Variants in PIK3C2G observed in about 807,000 individuals in gnomAD.
The protein encoded by PIK3C2G is phosphatidylinositol 3-kinase C2 domain-containing subunit gamma.
In PIK3C2G, 168 loss-of-function variants were observed where a neutral mutation model predicts 181.1. That is an observed-to-expected ratio of 0.93 (90% CI 0.82 to 1.05). PIK3C2G has a LOEUF of 1.05. Ranked by LOEUF, PIK3C2G falls within the 50% of genes least tolerant of loss-of-function variation. The pLI is 0.00. For missense variants in PIK3C2G, 1,869 were observed against 1,732.8 expected, an observed-to-expected ratio of 1.08 and a Z score of -1.40; for synonymous variants, 573 against 592.2, an observed-to-expected ratio of 0.97 and a Z score of 0.47.
intron 8 of PIK3C2G, among the ~76,000 whole-genome samples, chr12:18,337,483 G>T (rs1938641910): frequency 6.6e-6 from 1 of 152,248 alleles, no homozygotes; most frequent in East Asian, 1.9e-4. Context: ...ATAAAGAAAA[G>T]AGGTTGAATT....
the PIK3C2G span, chr12:18,719,567 G>A: frequency 8.7e-6 from 14 of 1,605,096 alleles, no homozygotes; most frequent in Non-Finnish European, 1.2e-5. Context: ...TTTTTAAACA[G>A]TAGACATTCA....
intron 31 of PIK3C2G, among the ~76,000 whole-genome samples, chr12:18,638,324 G>A (rs548506050): frequency 6.6e-6 from 1 of 152,288 alleles, no homozygotes; most frequent in African/African-American, 2.4e-5. Flanking sequence ...AGAGGTTGGA[G>A]GTGAAGTAGA....
intron 16 of PIK3C2G, among the ~76,000 whole-genome samples, chr12:18,418,413 TG>T (rs1222847060): frequency 6.6e-6 from 1 of 152,190 alleles, no homozygotes; most frequent in African/African-American, 2.4e-5. Flanking sequence ...TGAGCCAGAC[TG>T]GTTCAGTGAA....
chr12:18,342,293 G>T (rs1423097950), intron 9 of PIK3C2G, among the ~76,000 whole-genome samples: 3 of 151,940 alleles, frequency 2.0e-5, no homozygotes, highest in Non-Finnish European at 4.4e-5. Context: ...TTCTGAAAAG[G>T]TTCATGCAAA....
intron 1 of PIK3C2G, among the ~76,000 whole-genome samples, chr12:18,273,287 A>G (rs951041558): frequency 6.6e-6 from 1 of 152,148 alleles, no homozygotes; most frequent in Non-Finnish European, 1.5e-5. Context: ...AGTTGTAGAT[A>G]TACGGCATTA....
the PIK3C2G span, among the ~76,000 whole-genome samples, chr12:18,708,732 G>A: frequency 5.9e-5 from 9 of 152,264 alleles, no homozygotes; most frequent in Admixed American, 5.2e-4. Context: ...GTATCTCATA[G>A]TGGTTTTGAT....
At chr12:18,488,742 C>T in intron 19 of PIK3C2G, 113 bp downstream of exon 19, 3 of 600,730 alleles carry the variant, frequency 5.0e-6, no homozygotes, top group Non-Finnish European at 7.6e-6. Context: ...ATAGAAGATA[C>T]TTAAATCAAT....
At chr12:18,590,895 T>C (rs138427328) in intron 29 of PIK3C2G, among the ~76,000 whole-genome samples, 1 of 151,930 alleles carries the variant, frequency 6.6e-6, no homozygotes, top group Non-Finnish European at 1.5e-5. Flanking sequence ...TTGAAGGATA[T>C]GACGGTGTAA....
At chr12:18,721,991 T>A in the PIK3C2G span, among the ~76,000 whole-genome samples, 4 of 152,004 alleles carry the variant, frequency 2.6e-5, no homozygotes, top group South Asian at 8.3e-4. Context: ...AACTCATCTC[T>A]CTCTCATTCT....
chr12:18,635,845 T>C (rs1332501011), intron 31 of PIK3C2G, among the ~76,000 whole-genome samples: 1 of 152,118 alleles, frequency 6.6e-6, no homozygotes, highest in Non-Finnish European at 1.5e-5. Context: ...GAGGAGTATG[T>C]TGCATCCAAA....
the PIK3C2G span, among the ~76,000 whole-genome samples, chr12:18,657,393 GGCT>G: frequency 6.6e-6 from 1 of 152,126 alleles, no homozygotes; most frequent in Non-Finnish European, 1.5e-5. Context: ...TCTTGTCACT[GGCT>G]GACCCTCAGG....
chr12:18,629,125 C>T (rs1949233120), intron 31 of PIK3C2G, among the ~76,000 whole-genome samples: 1 of 152,178 alleles, frequency 6.6e-6, no homozygotes, highest in African/African-American at 2.4e-5. Flanking sequence ...AGCCCCCTGG[C>T]CTAACCATGG....
chr12:18,596,529 T>C (rs995343095), intron 30 of PIK3C2G, among the ~76,000 whole-genome samples: 2 of 152,106 alleles, frequency 1.3e-5, no homozygotes, highest in African/African-American at 2.4e-5. Flanking sequence ...CTACATAGCT[T>C]TGACACCCAG....
chr12:18,683,482 T>A, the PIK3C2G span: 1 of 1,479,812 alleles, frequency 6.8e-7, no homozygotes, highest in Non-Finnish European at 9.2e-7. Context: ...CCACAAAAAT[T>A]AAATATTTGC....
chr12:18,481,350 T>G (rs554267317), intron 18 of PIK3C2G, among the ~76,000 whole-genome samples: 24 of 152,166 alleles, frequency 1.6e-4, no homozygotes, highest in South Asian at 4.1e-4. Flanking sequence ...TGTAAGGAGC[T>G]CTGATTTCTT....
the PIK3C2G span, chr12:18,723,507 T>C: frequency 6.1e-5 from 98 of 1,612,624 alleles, no homozygotes; most frequent in Non-Finnish European, 7.7e-5. Context: ...TAAATTCTTC[T>C]ATGGTGATTC....
chr12:18,539,930 A>G (rs561044977), intron 25 of PIK3C2G, among the ~76,000 whole-genome samples: 4 of 151,936 alleles, frequency 2.6e-5, no homozygotes, highest in African/African-American at 9.6e-5. Context: ...TTTGCATTCT[A>G]TCTCCCAATT....
intron 11 of PIK3C2G, among the ~76,000 whole-genome samples, chr12:18,351,148 AT>A (rs1258354879): frequency 1.3e-5 from 2 of 152,124 alleles, no homozygotes; most frequent in Non-Finnish European, 2.9e-5. Flanking sequence ...GTAACAAAAA[AT>A]AAATATATTC....
intron 29 of PIK3C2G, among the ~76,000 whole-genome samples, chr12:18,591,282 C>T (rs1947065097): frequency 6.6e-6 from 1 of 151,824 alleles, no homozygotes; most frequent in African/African-American, 2.4e-5. Context: ...GCATAAACTG[C>T]TGTGCAGATA....
Sources: allele counts gnomAD v4.1 joint callset (sites outside exome capture counted in the v4.1 genomes callset), GRCh38; gene constraint gnomAD v4.1.1; transcripts MANE v1.5; gene names NCBI Gene and HGNC (gene_info 2026-07-23, HGNC 2026-07-21).